Variants in DNAAF4 observed in about 807,000 individuals in gnomAD.
The protein encoded by DNAAF4 is dynein axonemal assembly factor 4.
DNAAF4 carries 43 observed loss-of-function variants against 51.8 expected under a neutral mutation model. The ratio of observed to expected loss-of-function variants is 0.83; its 90% CI spans 0.65 to 1.07. The LOEUF is 1.07. DNAAF4 is among the 50% of genes least tolerant of loss of function. DNAAF4 has a pLI of 0.00. For missense variants in DNAAF4, 581 were observed against 493.0 expected (o/e 1.18, Z -1.69); for synonymous variants, 194 against 165.6 (o/e 1.17, Z -1.32).
At chr15:55,463,170 TCTCACACACA>T (rs1211635267) in intron 5 of DNAAF4, among the ~76,000 whole-genome samples, 17 of 119,960 alleles carry the variant, frequency 1.4e-4, no homozygotes, top group East Asian at 8.2e-4. Context: ...TGAGACTCTG[TCTCACACACA>T]CACACACACA....
intron 6 of DNAAF4, among the ~76,000 whole-genome samples, chr15:55,449,864 A>C (rs552669247): frequency 6.6e-6 from 1 of 151,716 alleles, no homozygotes; most frequent in South Asian, 2.1e-4. Context: ...ACGCCAGGCT[A>C]ATTTTTGTAT....
At chr15:55,496,042 C>T (rs1042996196) in intron 3 of DNAAF4, among the ~76,000 whole-genome samples, 1 of 152,128 alleles carries the variant, frequency 6.6e-6, no homozygotes, top group African/African-American at 2.4e-5. Context: ...GCCTGGCCAA[C>T]ATATAGTGAA....
intron 6 of DNAAF4, among the ~76,000 whole-genome samples, chr15:55,442,421 A>G (rs1595898623): frequency 6.6e-6 from 1 of 152,160 alleles, no homozygotes; most frequent in African/African-American, 2.4e-5. Flanking sequence ...GCCCTGACTG[A>G]GAGTTGTCGA....
chr15:55,440,714 C>T (rs1052730491), intron 6 of DNAAF4, among the ~76,000 whole-genome samples: 2 of 148,846 alleles, frequency 1.3e-5, no homozygotes, highest in South Asian at 2.1e-4. Context: ...CAGAGTCTCA[C>T]TCAGCTGCCC....
chr15:55,444,330 G>GT (rs1272821104), intron 6 of DNAAF4, among the ~76,000 whole-genome samples: 1 of 152,066 alleles, frequency 6.6e-6, no homozygotes, highest in East Asian at 1.9e-4. Context: ...TTTTTGTCAG[G>GT]TTTGTCAAAG....
At chr15:55,506,096 T>C (rs1387105751) in intron 1 of DNAAF4, among the ~76,000 whole-genome samples, 1 of 152,210 alleles carries the variant, frequency 6.6e-6, no homozygotes, top group East Asian at 1.9e-4. Context: ...ATTTAAATTG[T>C]TAATGTTCAA....
chr15:55,451,251 C>T (rs1055259904), intron 5 of DNAAF4, among the ~76,000 whole-genome samples: 1 of 152,194 alleles, frequency 6.6e-6, no homozygotes, highest in African/African-American at 2.4e-5. Flanking sequence ...TTGTAGAACA[C>T]AGTCGTTGAG....
chr15:55,435,459 A>G (rs2057592272), intron 7 of DNAAF4, among the ~76,000 whole-genome samples: 1 of 152,152 alleles, frequency 6.6e-6, no homozygotes, highest in African/African-American at 2.4e-5. Context: ...CATAGCCCAC[A>G]TTGTTGCTGA....
intron 6 of DNAAF4, among the ~76,000 whole-genome samples, chr15:55,448,741 G>T (rs1258855264): frequency 2.0e-5 from 3 of 151,146 alleles, no homozygotes; most frequent in African/African-American, 7.3e-5. Flanking sequence ...GTGGCGGTGG[G>T]CACCTGTAGT....
At chr15:55,418,891 T>G (rs1391154324) in intron 7 of DNAAF4, 1 of 177,036 alleles carries the variant, frequency 5.6e-6, no homozygotes, top group Non-Finnish European at 1.2e-5. Context: ...AAAAAATTGA[T>G]TTAAGGAAGC....
At position 55,433,950 on chromosome 15, in the gene DNAAF4, A is replaced by ACATTTTATATAATATATTATAATAT. The variant is rs2057557142; in HGVS notation, c.1047+954_1047+955insATATTATAATATATTATATAAAATG. Reference sequence around the variant, plus strand: ...ATATTATATAAAATATATATAATATATATAATATATATAATATATTTTATA... The same window carrying ACATTTTATATAATATATTATAATAT: ...ATATTATATAAAATATATATAATATACATTTTATATAATATATTATAATATTATAATATATATAATATATTTTATA... On this transcript the variant is annotated intron_variant, in intron 8 of 9. Transcript: ENST00000321149. 1.2e-4 allele frequency among the ~76,000 whole-genome samples: 4 copies of ACATTTTATATAATATATTATAATAT among 33,172 alleles called. 1 individual carries two copies. The Admixed American group carries it at 2.2e-3, about 18-fold the overall frequency. The allele number at this position is 33,172 out of a possible 152,430, so 21.8% of individuals were successfully genotyped here. A position where few individuals can be genotyped will look rare whatever the true frequency, so the allele number is the denominator to read the frequency against.
chr15:55,465,680 C>T (rs1008782676), intron 5 of DNAAF4, among the ~76,000 whole-genome samples: 2 of 151,742 alleles, frequency 1.3e-5, no homozygotes, highest in Non-Finnish European at 2.9e-5. Flanking sequence ...GATTCTCCTG[C>T]CTCGGCCTCC....
intron 5 of DNAAF4, among the ~76,000 whole-genome samples, chr15:55,465,935 G>T (rs1374451105): frequency 2.0e-5 from 3 of 152,108 alleles, no homozygotes; most frequent in Non-Finnish European, 4.4e-5. Context: ...TGGGCCTGGG[G>T]ACTAGGGGGG....
chr15:55,501,342 G>A (rs1412084754), intron 1 of DNAAF4, among the ~76,000 whole-genome samples: 25 of 148,374 alleles, frequency 1.7e-4, no homozygotes, highest in African/African-American at 6.0e-4. Flanking sequence ...GATTACAGGC[G>A]TGAGCCACTG....
Position 55,485,312 on chromosome 15 carries a change from TG to T in DNAAF4, c.405+5810del, listed in dbSNP as rs2058471937. On this transcript the variant is annotated intron_variant, in intron 4 of 9. Transcript: ENST00000321149. ...GAGGATTTTTTAAATGCCAGAATCA[TG>T]AAAGTTATTATCATAAAATAGAATA... 1.1e-4 allele frequency among the ~76,000 whole-genome samples: 16 copies of T among 152,336 alleles called. 1 individual carries two copies. Among genetic ancestry groups the T allele is most frequent in the Admixed American group, 7.2e-4 (11 of 15,302 alleles).
At chr15:55,505,061 A>G (rs1010869968) in intron 1 of DNAAF4, among the ~76,000 whole-genome samples, 3 of 152,196 alleles carry the variant, frequency 2.0e-5, no homozygotes, top group Admixed American at 1.3e-4. Context: ...CAAAGAACTT[A>G]AACAAATTTA....
Position 55,422,721 on chromosome 15 carries a change from G to A in DNAAF4, c.1048-4588C>T, listed in dbSNP as rs143135743. ...AACAGAATTATTTCAACAAGGCCAG[G>A]CTCGAAGGCTCACACCTGTAATCCC... On this transcript the variant is annotated intron_variant, in intron 7 of 7. Transcript: ENST00000448430. Among the ~76,000 whole-genome samples the A allele has an allele frequency of 5.6e-4, 86 of 152,260 alleles. 2 individuals carry two copies. The highest frequency in any genetic ancestry group is 2.8e-3 in the Admixed American group (43 of 15,272).
intron 8 of DNAAF4, 125 bp from the exon 9 acceptor site, chr15:55,432,727 C>A: frequency 1.4e-6 from 1 of 702,792 alleles, no homozygotes; most frequent in Non-Finnish European, 2.2e-6. Flanking sequence ...AGGTGGATCA[C>A]CTGAAGTCAG....
intron 1 of DNAAF4, among the ~76,000 whole-genome samples, chr15:55,505,213 G>A (rs1337543784): frequency 6.6e-6 from 1 of 152,106 alleles, no homozygotes; most frequent in Non-Finnish European, 1.5e-5. Flanking sequence ...CAAAACCACA[G>A]TGAGATACCA....
Sources: allele counts gnomAD v4.1 joint callset (sites outside exome capture counted in the v4.1 genomes callset), GRCh38; gene constraint gnomAD v4.1.1; transcripts MANE v1.5; gene names NCBI Gene and HGNC (gene_info 2026-07-23, HGNC 2026-07-21).